The following CSMD1 variants were observed in gnomAD, a reference collection of about 807,000 sequenced individuals.
The protein encoded by CSMD1 is CUB and sushi domain-containing protein 1.
A neutral mutation model predicts 417.5 loss-of-function variants in CSMD1; 213 were observed. The observed-to-expected ratio is 0.51, with a 90% CI of 0.46 to 0.57. CSMD1 has a LOEUF of 0.57. Ranked by LOEUF, CSMD1 falls within the 20% of genes least tolerant of loss-of-function variation. The pLI, the probability that CSMD1 is intolerant of heterozygous loss-of-function variation, is 0.00. For synonymous variants in CSMD1, 2,862 were observed against 1,736.8 expected (o/e 1.65, Z -16.11); for missense variants, 6,923 against 4,529.7 (o/e 1.53, Z -15.17).
chr8:3,041,264 G>C (rs1256017151), intron 50 of CSMD1, among the ~76,000 whole-genome samples: 4 of 152,028 alleles, frequency 2.6e-5, no homozygotes, highest in African/African-American at 9.7e-5. Context: ...GTACTACAGA[G>C]CAAAAATATA....
chr8:3,524,964 A>G (rs943124964), intron 10 of CSMD1, among the ~76,000 whole-genome samples: 2 of 152,168 alleles, frequency 1.3e-5, no homozygotes, highest in African/African-American at 4.8e-5. Context: ...CACACTGTAC[A>G]CTCATTAGGC....
At chr8:4,524,352 T>A (rs894316671) in intron 2 of CSMD1, among the ~76,000 whole-genome samples, 9 of 151,600 alleles carry the variant, frequency 5.9e-5, no homozygotes, top group African/African-American at 1.2e-4. Flanking sequence ...AAAAACGCAA[T>A]AGAAAGAAGA....
At chr8:4,072,509 G>A (rs1799612812) in intron 3 of CSMD1, among the ~76,000 whole-genome samples, 2 of 152,144 alleles carry the variant, frequency 1.3e-5, no homozygotes, top group South Asian at 2.1e-4. Context: ...CCATGCAATT[G>A]CTGAAAGCTC....
chr8:4,291,581 C>G (rs138917215), intron 3 of CSMD1, among the ~76,000 whole-genome samples: 1 of 151,984 alleles, frequency 6.6e-6, no homozygotes. Flanking sequence ...AAAGCTGAAG[C>G]GTAATATTTA....
At chr8:3,242,818 GGGGTTGGGGCGCAGATAT>G (rs1419431739) in intron 26 of CSMD1, among the ~76,000 whole-genome samples, 1 of 150,720 alleles carries the variant, frequency 6.6e-6, no homozygotes, top group African/African-American at 2.4e-5. Flanking sequence ...GCAGAAATAA[GGGGTTGGGGCGCAGATAT>G]AAGAGGTCAG....
intron 17 of CSMD1, among the ~76,000 whole-genome samples, chr8:3,395,724 T>C (rs766796306): frequency 2.6e-5 from 4 of 152,224 alleles, no homozygotes; most frequent in Non-Finnish European, 5.9e-5. Flanking sequence ...CTTCGCCTCT[T>C]GTTACCTGAC....
At chr8:4,788,409 T>A (rs4875385) in intron 1 of CSMD1, 1 of 1,363,020 alleles carries the variant, frequency 7.3e-7, no homozygotes, top group Non-Finnish European at 1.0e-6. Flanking sequence ...GTCTTCTCTT[T>A]GACTACCCAG....
intron 1 of CSMD1, among the ~76,000 whole-genome samples, chr8:4,884,187 T>C (rs1384991382): frequency 6.6e-6 from 1 of 151,998 alleles, no homozygotes; most frequent in African/African-American, 2.4e-5. Flanking sequence ...CTTTTTATTA[T>C]TGAGCTGTAA....
At chr8:3,041,301 T>C (rs1811073657) in intron 50 of CSMD1, among the ~76,000 whole-genome samples, 1 of 152,226 alleles carries the variant, frequency 6.6e-6, no homozygotes, top group Non-Finnish European at 1.5e-5. Flanking sequence ...TTTTCTTGTT[T>C]TCTTTACAGC....
rs148563752 is a variant in CSMD1 at position 4,195,301 on chromosome 8, TTAA to T, written c.416-163205_416-163203del. Among the ~76,000 whole-genome samples, 781 of 152,266 alleles carry T rather than the reference TTAA, an allele frequency of 5.1e-3. 3 individuals are homozygous for T. Among genetic ancestry groups the T allele is most frequent in the Admixed American group, 9.3e-3 (142 of 15,302 alleles). On this transcript the variant is annotated intron_variant, in intron 3 of 69. Transcript: ENST00000635120. ...CCCAGGCAGTTCCACAATCATAATA[TTAA>T]TAGGCAGAAAAGGCAAATTCTATAG...
chr8:3,331,663 C>T (rs1806904022), intron 23 of CSMD1, among the ~76,000 whole-genome samples: 1 of 152,144 alleles, frequency 6.6e-6, no homozygotes, highest in South Asian at 2.1e-4. Context: ...GATATATTAT[C>T]CAATATTTCT....
rs181930951 is a variant in CSMD1 at position 3,538,796 on chromosome 8, G to A, written c.1344+36149C>T. On this transcript the variant is annotated intron_variant, in intron 10 of 69. Coordinates refer to ENST00000635120, the MANE Select transcript of CSMD1 (RefSeq NM_033225.6). ...CTCGGGAAGCCACACTTCTCCACTT[G>A]CACCAAGAGCCTGGTGGAAGGCAAT... 1.5e-3 allele frequency among the ~76,000 whole-genome samples: 224 copies of A among 152,266 alleles called. 1 individual carries two copies. The highest frequency in any genetic ancestry group is 5.1e-3 in the African/African-American group (213 of 41,548).
intron 54 of CSMD1, among the ~76,000 whole-genome samples, chr8:2,994,456 C>T (rs755809511): frequency 2.0e-5 from 3 of 152,222 alleles, no homozygotes; most frequent in East Asian, 1.9e-4. Flanking sequence ...ACAACTCAGC[C>T]GGGGCAGTGG....
At chr8:3,460,244 C>G (rs1816409543) in intron 12 of CSMD1, among the ~76,000 whole-genome samples, 1 of 151,960 alleles carries the variant, frequency 6.6e-6, no homozygotes, top group Non-Finnish European at 1.5e-5. Context: ...ATGGTGAGTC[C>G]ATAGAAGAAT....
At chr8:3,172,393 T>C (rs1820632394) in intron 37 of CSMD1, among the ~76,000 whole-genome samples, 1 of 152,226 alleles carries the variant, frequency 6.6e-6, no homozygotes, top group African/African-American at 2.4e-5. Context: ...ATACTTTTAA[T>C]CTGAGGCATT....
At chr8:4,674,295 G>T (rs1212197197) in intron 1 of CSMD1, among the ~76,000 whole-genome samples, 1 of 152,150 alleles carries the variant, frequency 6.6e-6, no homozygotes, top group African/African-American at 2.4e-5. Context: ...CAGGGCACAG[G>T]GATGGACCTG....
At chr8:4,549,229 T>C (rs943164651) in intron 2 of CSMD1, among the ~76,000 whole-genome samples, 1 of 152,142 alleles carries the variant, frequency 6.6e-6, no homozygotes, top group Non-Finnish European at 1.5e-5. Context: ...TGTAATGTTA[T>C]CAACCCTACC....
chr8:3,965,178 T>C (rs1164943711), intron 5 of CSMD1, among the ~76,000 whole-genome samples: 3 of 152,158 alleles, frequency 2.0e-5, no homozygotes, highest in African/African-American at 4.8e-5. Flanking sequence ...TAAGAGTTCA[T>C]AACAAAAGAC....
intron 26 of CSMD1, among the ~76,000 whole-genome samples, chr8:3,268,750 C>G (rs752947911): frequency 6.6e-6 from 1 of 152,118 alleles, no homozygotes; most frequent in Non-Finnish European, 1.5e-5. Flanking sequence ...CTACCTCTGC[C>G]TACCTACTCC....
Sources: allele counts gnomAD v4.1 joint callset (sites outside exome capture counted in the v4.1 genomes callset), GRCh38; gene constraint gnomAD v4.1.1; transcripts MANE v1.5; gene names NCBI Gene and HGNC (gene_info 2026-07-23, HGNC 2026-07-21).